The following MYO1E variants were observed in gnomAD, a reference collection of about 807,000 sequenced individuals.
The protein encoded by MYO1E is unconventional myosin-Ie.
MYO1E carries 68 observed loss-of-function variants against 151.1 expected under a neutral mutation model. The ratio of observed to expected loss-of-function variants is 0.45; its 90% CI spans 0.37 to 0.55. The LOEUF is 0.55. Ranked by LOEUF, MYO1E falls within the 20% of genes least tolerant of loss-of-function variation. The pLI is 0.00. For missense variants in MYO1E, 1,363 were observed against 1,389.3 expected (o/e 0.98, Z 0.30); for synonymous variants, 601 against 501.7 (o/e 1.20, Z -2.64).
Position 59,371,584 on chromosome 15 carries a change from G to A in MYO1E, c.3+914C>T, listed in dbSNP as rs182698970. Among the ~76,000 whole-genome samples, 389 of 152,132 alleles carry A rather than the reference G, an allele frequency of 2.6e-3. 1 individual carries two copies. Among genetic ancestry groups the A allele is most frequent in the Non-Finnish European group, 4.5e-3 (306 of 67,970 alleles). On this transcript the variant is annotated intron_variant, in intron 1 of 27. Coordinates refer to ENST00000288235, the MANE Select transcript of MYO1E (RefSeq NM_004998.4). ...GGAGTGTAGCTGGACTGGGGAGTTGGAATAGCAGAAAAGTCACAAGTCAAA... is the reference window on the plus strand; with the variant it reads ...GGAGTGTAGCTGGACTGGGGAGTTGAAATAGCAGAAAAGTCACAAGTCAAA...
intron 1 of MYO1E, among the ~76,000 whole-genome samples, chr15:59,354,648 C>T (rs1453572343): frequency 6.6e-6 from 1 of 152,120 alleles, no homozygotes; most frequent in African/African-American, 2.4e-5. Context: ...TGCAATGGCT[C>T]TTTGTTCGGA....
chr15:59,238,336 G>T (rs1024793783), intron 4 of MYO1E, among the ~76,000 whole-genome samples: 4 of 152,118 alleles, frequency 2.6e-5, no homozygotes, highest in African/African-American at 4.8e-5. Flanking sequence ...AAACATTCAA[G>T]AATATTGGAA....
chr15:59,251,472 T>G (rs185796775), intron 4 of MYO1E, among the ~76,000 whole-genome samples: 3 of 152,352 alleles, frequency 2.0e-5, no homozygotes, highest in East Asian at 1.9e-4. Context: ...TTACTTGATT[T>G]GCATAAACCA....
At chr15:59,340,514 T>C (rs2080758736) in intron 1 of MYO1E, among the ~76,000 whole-genome samples, 1 of 152,180 alleles carries the variant, frequency 6.6e-6, no homozygotes, top group Admixed American at 6.5e-5. Context: ...TGGTTTTCTA[T>C]GACGTCACTC....
intron 6 of MYO1E, among the ~76,000 whole-genome samples, chr15:59,230,262 ATG>A (rs1258435592): frequency 7.9e-6 from 1 of 126,010 alleles, no homozygotes; most frequent in African/African-American, 2.7e-5. Context: ...GTGCAGGTGA[ATG>A]TGTGTCTGAA....
intron 4 of MYO1E, among the ~76,000 whole-genome samples, chr15:59,243,099 C>CTTCT (rs1555413919): frequency 7.5e-5 from 10 of 133,444 alleles, no homozygotes; most frequent in African/African-American, 1.4e-4. Context: ...TTAGACCCTG[C>CTTCT]TTTTTTTTTT....
At chr15:59,347,857 A>G (rs1343925190) in intron 1 of MYO1E, among the ~76,000 whole-genome samples, 1 of 152,224 alleles carries the variant, frequency 6.6e-6, no homozygotes, top group Non-Finnish European at 1.5e-5. Context: ...AATACAAAAA[A>G]GTTCTAGAGA....
At chr15:59,351,239 G>C (rs1235342593) in intron 1 of MYO1E, among the ~76,000 whole-genome samples, 1 of 152,190 alleles carries the variant, frequency 6.6e-6, no homozygotes, top group African/African-American at 2.4e-5. Context: ...AGGAAAAAAG[G>C]GAAGGGAAAT....
At chr15:59,202,248 G>A in intron 16 of MYO1E, 78 bp downstream of exon 16, 1 of 1,268,024 alleles carries the variant, frequency 7.9e-7, no homozygotes, top group Non-Finnish European at 1.2e-6. Context: ...CCTCATCCTG[G>A]CCCAGGGGTG....
At chr15:59,151,008 GGGACAC>G (rs1300038467) in intron 26 of MYO1E, among the ~76,000 whole-genome samples, 27 of 107,860 alleles carry the variant, frequency 2.5e-4, no homozygotes, top group Non-Finnish European at 4.7e-4. Context: ...GAAGAGGAGA[GGGACAC>G]ACACACACAC....
intron 2 of MYO1E, among the ~76,000 whole-genome samples, chr15:59,271,896 C>T (rs930984495): frequency 3.3e-5 from 5 of 152,136 alleles, no homozygotes; most frequent in East Asian, 1.9e-4. Flanking sequence ...GTCAAAGGGA[C>T]GATATTATAG....
intron 1 of MYO1E, among the ~76,000 whole-genome samples, chr15:59,330,757 T>G (rs2080693354): frequency 6.6e-6 from 1 of 152,158 alleles, no homozygotes; most frequent in Admixed American, 6.6e-5. Flanking sequence ...ATGATTATTT[T>G]TAATTTTTAT....
chr15:59,364,913 AAAAC>A (rs1300168473), intron 1 of MYO1E, among the ~76,000 whole-genome samples: 18 of 152,218 alleles, frequency 1.2e-4, no homozygotes, highest in African/African-American at 1.2e-4. Context: ...CATCTCAAGA[AAAAC>A]AAACAAACAA....
intron 4 of MYO1E, among the ~76,000 whole-genome samples, chr15:59,243,299 G>A (rs942643906): frequency 6.6e-6 from 1 of 152,036 alleles, no homozygotes; most frequent in Non-Finnish European, 1.5e-5. Context: ...AATTCCAAAG[G>A]AGGCTTGAAA....
At chr15:59,231,850 GC>G in intron 5 of MYO1E, 59 bp from the exon 6 acceptor site, 1 of 1,574,236 alleles carries the variant, frequency 6.4e-7, no homozygotes, top group East Asian at 2.2e-5. Flanking sequence ...CACAGTGTAC[GC>G]CAAACTTTCT....
chr15:59,161,060 G>T lies in MYO1E; in HGVS notation c.2785+13C>A, dbSNP rs767983749. Reference sequence around the variant, plus strand: ...GGCGGCAGTTCTGCCTGCAGGGCCCGTGGAGCACTTACGGGAGTTCTTGGG... The same window carrying T: ...GGCGGCAGTTCTGCCTGCAGGGCCCTTGGAGCACTTACGGGAGTTCTTGGG... On this transcript the variant is annotated intron_variant, in intron 24 of 27. Transcript: ENST00000288235. 5 of 1,612,466 alleles carry T rather than the reference G, an allele frequency of 3.1e-6. No homozygotes were observed. The highest frequency in any genetic ancestry group is 1.7e-5 in the Admixed American group (1 of 59,982).
rs1387528498 is a variant in MYO1E, at chr15:59,136,624, A to G, written c.*756T>C. 4 of 452,662 alleles carry G rather than the reference A, an allele frequency of 8.8e-6. No homozygotes were observed. The East Asian group carries it at 2.8e-4, about 31-fold the overall frequency. 28.0% of individuals were successfully genotyped at this position (452,662 alleles called of 1,614,324 possible). On this transcript the variant is annotated 3_prime_UTR_variant, in exon 28 of 28. Transcript: ENST00000288235. ...CTCAAGATTTTTATATATACAGTAT[A>G]TGATCTGTTTTTATAAATGTACAGC...
chr15:59,153,515 G>A, intron 26 of MYO1E, 75 bp downstream of exon 26: 6 of 1,508,262 alleles, frequency 4.0e-6, no homozygotes, highest in Non-Finnish European at 5.5e-6. Context: ...ACAGCCCACA[G>A]GAATCTCTGA....
chr15:59,222,583 A>G (rs1323535056), intron 9 of MYO1E, among the ~76,000 whole-genome samples: 4 of 152,178 alleles, frequency 2.6e-5, no homozygotes, highest in Admixed American at 2.6e-4. Context: ...ATGTAATCCA[A>G]TCCATGGAAC....
Sources: allele counts gnomAD v4.1 joint callset (sites outside exome capture counted in the v4.1 genomes callset), GRCh38; gene constraint gnomAD v4.1.1; transcripts MANE v1.5; gene names NCBI Gene and HGNC (gene_info 2026-07-23, HGNC 2026-07-21).